Variants in HEXB observed in about 807,000 individuals in gnomAD.
The protein encoded by HEXB is beta-hexosaminidase subunit beta.
A neutral mutation model predicts 71.2 loss-of-function variants in HEXB; 51 were observed. That is an observed-to-expected ratio of 0.72 (90% CI 0.57 to 0.90). The LOEUF (loss-of-function observed/expected upper bound fraction) is 0.90, where lower values mean the gene tolerates loss of function less well. Ranked by LOEUF, HEXB falls within the 40% of genes least tolerant of loss-of-function variation. The pLI is 0.00. For synonymous variants in HEXB, 266 were observed against 249.3 expected (o/e 1.07, Z -0.63); for missense variants, 617 against 677.0 (o/e 0.91, Z 0.98).
At chr5:74,709,897 A>C (rs1191778548) in intron 6 of HEXB, among the ~76,000 whole-genome samples, 1 of 151,936 alleles carries the variant, frequency 6.6e-6, no homozygotes, top group East Asian at 1.9e-4. Context: ...AAACTATTCC[A>C]ATCAATAGAA....
intron 1 of HEXB, among the ~76,000 whole-genome samples, chr5:74,674,330 G>A (rs573483432): frequency 2.0e-5 from 3 of 152,094 alleles, no homozygotes; most frequent in South Asian, 2.1e-4. Context: ...TCAGCCAGGC[G>A]TGGTGGCTCA....
At chr5:74,664,767 A>G (rs1748403578) in intron 1 of HEXB, among the ~76,000 whole-genome samples, 1 of 152,186 alleles carries the variant, frequency 6.6e-6, no homozygotes, top group South Asian at 2.1e-4. Flanking sequence ...TTTCCAGCTC[A>G]TCGTCCAAGT....
At chr5:74,686,392 G>A (rs954635064) in intron 1 of HEXB, among the ~76,000 whole-genome samples, 1 of 152,158 alleles carries the variant, frequency 6.6e-6, no homozygotes, top group African/African-American at 2.4e-5. Context: ...AAGGCGTATC[G>A]TGCCCTGCAG....
chr5:74,690,255 C>G (rs1304733135), intron 2 of HEXB, among the ~76,000 whole-genome samples: 2 of 151,964 alleles, frequency 1.3e-5, no homozygotes, highest in Non-Finnish European at 2.9e-5. Flanking sequence ...GGTATACTGC[C>G]TGAGAATAAT....
chr5:74,668,732 G>T (rs956052800), intron 1 of HEXB, among the ~76,000 whole-genome samples: 2 of 152,174 alleles, frequency 1.3e-5, no homozygotes, highest in African/African-American at 4.8e-5. Context: ...ATCAAGAATA[G>T]GTAACTATAG....
intron 9 of HEXB, chr5:74,716,874 G>C (rs1749684067): frequency 2.2e-6 from 1 of 452,576 alleles, no homozygotes; most frequent in Non-Finnish European, 4.1e-6. Flanking sequence ...TTGAAATATA[G>C]GAAGGCAGTC....
intron 1 of HEXB, among the ~76,000 whole-genome samples, chr5:74,671,555 G>A (rs916235241): frequency 1.3e-5 from 2 of 152,134 alleles, no homozygotes; most frequent in Non-Finnish European, 2.9e-5. Flanking sequence ...GTGAAGCGGG[G>A]AGATTGCAAA....
chr5:74,642,832 A>G (rs928605286), intron 1 of HEXB, among the ~76,000 whole-genome samples: 12 of 152,310 alleles, frequency 7.9e-5, no homozygotes, highest in Non-Finnish European at 1.6e-4. Flanking sequence ...GAGAAAGGAA[A>G]GAAATCCGCT....
intron 1 of HEXB, among the ~76,000 whole-genome samples, chr5:74,664,454 C>CAAAAACAG (rs1554033122): frequency 1.2e-5 from 1 of 86,454 alleles, no homozygotes; most frequent in Admixed American, 1.1e-4. Context: ...AAAAAAAAAA[C>CAAAAACAG]AGAGAGAGAG....
At chr5:74,700,072 T>C (rs1424223883) in intron 5 of HEXB, among the ~76,000 whole-genome samples, 1 of 143,054 alleles carries the variant, frequency 7.0e-6, no homozygotes, top group Non-Finnish European at 1.5e-5. Context: ...AGTGGCACAA[T>C]CTTGGCTCAC....
chr5:74,715,593 A>G lies in HEXB; in HGVS notation c.985A>G (p.Thr329Ala), dbSNP rs1196930060. The change falls in exon 8 of 14, where the codon ACA (threonine) becomes GCA (alanine). Residue 329 changes from threonine to alanine, a missense_variant. Transcript: ENST00000261416. ...FGPINPTLNT[T>A]YSFLTTFFKE... The stretch of plus-strand genomic sequence containing the variant: ...ACCTATAAACCCTACTCTGAATACA[A>G]CATACAGCTTCCTTACTACATTTTT... 1 of 1,609,330 alleles carries G rather than the reference A, an allele frequency of 6.2e-7. No individual in the cohort carries two copies. Among genetic ancestry groups the G allele is most frequent in the South Asian group, 1.1e-5 (1 of 90,976 alleles).
rs767991707 is a variant in HEXB at position 74,685,571 on chromosome 5, C to T, written c.299+12C>T. On this transcript the variant is annotated intron_variant, in intron 1 of 13. Coordinates refer to ENST00000261416, the MANE Select transcript of HEXB (RefSeq NM_000521.4). Reference sequence around the variant, plus strand: ...GAAGCGTTTCGACGGTGAGCGCTCCCGGCCCGGCCGGGAGTTGTCCTGGGG... The same window carrying T: ...GAAGCGTTTCGACGGTGAGCGCTCCTGGCCCGGCCGGGAGTTGTCCTGGGG... 2.0e-5 allele frequency: 30 copies of T among 1,535,138 alleles called. No individual in the cohort carries two copies. The African/African-American group carries it at 2.8e-4, about 15-fold the overall frequency.
intron 1 of HEXB, among the ~76,000 whole-genome samples, chr5:74,659,461 A>T (rs1748278648): frequency 6.6e-6 from 1 of 152,208 alleles, no homozygotes. Context: ...ATAGCGGGGA[A>T]GCCACAGGTG....
chr5:74,642,462 G>C (rs1580354568), intron 1 of HEXB, among the ~76,000 whole-genome samples: 1 of 152,250 alleles, frequency 6.6e-6, no homozygotes. Context: ...TGAAAAGATG[G>C]GAGGCGGAAA....
At chr5:74,643,722 C>G (rs1025604600) in intron 1 of HEXB, among the ~76,000 whole-genome samples, 1 of 152,132 alleles carries the variant, frequency 6.6e-6, no homozygotes, top group African/African-American at 2.4e-5. Flanking sequence ...TACACTTGGG[C>G]TGAATTAATG....
intron 2 of HEXB, 167 bp downstream of exon 2, chr5:74,689,640 T>A: frequency 1.5e-6 from 1 of 666,120 alleles, no homozygotes; most frequent in Admixed American, 2.5e-5. Flanking sequence ...TAGTACATAG[T>A]CTTTGTGGAA....
rs1749130322 is a variant in HEXB, at chr5:74,697,086, A to G, written c.649A>G (p.Lys217Glu). 1.3e-6 allele frequency: 2 copies of G among 1,501,992 alleles called. No individual in the cohort carries two copies. Among genetic ancestry groups the G allele is most frequent in the East Asian group, 2.3e-5 (1 of 44,260 alleles). The allele number at this position is 1,501,992 out of a possible 1,614,324, so 93.0% of individuals were successfully genotyped here. Residue 217 changes from lysine to glutamate, a missense_variant, in exon 5 of 14, where the codon AAG becomes GAG. Transcript: ENST00000261416. ...IDTSRHYLPV[K>E]IILKTLDAMA... Reference sequence around the variant, plus strand: ...TACATCCAGACATTATCTGCCAGTTAAGATTATTCTTAAAACTCTGGTAAG... The same window carrying G: ...TACATCCAGACATTATCTGCCAGTTGAGATTATTCTTAAAACTCTGGTAAG...
intron 6 of HEXB, among the ~76,000 whole-genome samples, chr5:74,707,923 G>T (rs886444768): frequency 2.0e-5 from 3 of 152,122 alleles, no homozygotes; most frequent in Non-Finnish European, 2.9e-5. Context: ...ACATTCAGAT[G>T]CAGGAAATAC....
chr5:74,654,796 G>C (rs1304035180), intron 1 of HEXB, among the ~76,000 whole-genome samples: 3 of 152,208 alleles, frequency 2.0e-5, no homozygotes, highest in Admixed American at 1.3e-4. Context: ...CGCTAGAGGG[G>C]AGCTAGGCCA....
Sources: gnomAD v4.1 joint callset for allele counts (sites outside exome capture counted in the v4.1 genomes callset) on GRCh38, gnomAD v4.1.1 for gene constraint, MANE v1.5 for transcripts, NCBI Gene and HGNC (gene_info 2026-07-23, HGNC 2026-07-21) for gene names.